The following ZNF536 variants were observed in gnomAD, a reference collection of about 807,000 sequenced individuals.
ZNF536 encodes zinc finger protein 536.
ZNF536 carries 13 observed loss-of-function variants against 84.5 expected under a neutral mutation model. The observed-to-expected ratio is 0.15, with a 90% CI of 0.10 to 0.24. The LOEUF is 0.24. ZNF536 is among the 10% of genes least tolerant of loss of function. The probability of loss-of-function intolerance (pLI) is 1.00; values close to 1 mark genes in which losing one functional copy is unlikely to be tolerated. For synonymous variants in ZNF536, 811 were observed against 742.5 expected, an observed-to-expected ratio of 1.09 and a Z score of -1.50; for missense variants, 1,536 against 1,747.5, an observed-to-expected ratio of 0.88 and a Z score of 2.16.
chr19:30,708,408 G>A (rs963095079), intron 1 of ZNF536, among the ~76,000 whole-genome samples: 4 of 152,210 alleles, frequency 2.6e-5, no homozygotes, highest in East Asian at 1.9e-4. Flanking sequence ...ATGGAAGGGT[G>A]TTTTAGGATT....
upstream of ZNF536, among the ~76,000 whole-genome samples, chr19:30,369,794 T>G (rs527803262): frequency 9.9e-5 from 15 of 152,212 alleles, no homozygotes; most frequent in African/African-American, 1.4e-4. Context: ...GCAATCAGAA[T>G]AAAGTGTTTC....
At chr19:30,688,162 C>A (rs1273158535) in intron 1 of ZNF536, among the ~76,000 whole-genome samples, 1 of 152,176 alleles carries the variant, frequency 6.6e-6, no homozygotes, top group African/African-American at 2.4e-5. Flanking sequence ...ATCTCCTGCC[C>A]AGGGCTGTGC....
chr19:30,694,215 C>A (rs2051554681), intron 1 of ZNF536, among the ~76,000 whole-genome samples: 1 of 152,204 alleles, frequency 6.6e-6, no homozygotes, highest in Non-Finnish European at 1.5e-5. Context: ...TATTGGCCCC[C>A]CTCCCACATT....
intron 1 of ZNF536, among the ~76,000 whole-genome samples, chr19:30,693,765 T>C (rs781752477): frequency 5.9e-5 from 9 of 152,238 alleles, no homozygotes; most frequent in Non-Finnish European, 1.2e-4. Flanking sequence ...TTGGGCATGA[T>C]AAAAAGTAGC....
At chr19:30,662,336 G>A (rs1200605620) in intron 1 of ZNF536, among the ~76,000 whole-genome samples, 1 of 152,170 alleles carries the variant, frequency 6.6e-6, no homozygotes, top group East Asian at 1.9e-4. Flanking sequence ...CCCAGCTTGT[G>A]TTGGGCCCTT....
intron 1 of ZNF536, among the ~76,000 whole-genome samples, chr19:30,427,293 A>G (rs1383045041): frequency 1.3e-5 from 2 of 152,230 alleles, no homozygotes; most frequent in Admixed American, 6.5e-5. Context: ...GGATGCAGAG[A>G]TGCTTGCCAA....
downstream of ZNF536, among the ~76,000 whole-genome samples, chr19:30,561,713 G>A (rs538472456): frequency 2.6e-5 from 4 of 152,280 alleles, no homozygotes; most frequent in East Asian, 3.9e-4. Context: ...TGAAGGAGCC[G>A]GGGTATTTAC....
At chr19:30,538,049 A>G (rs532757420) in intron 3 of ZNF536, among the ~76,000 whole-genome samples, 1 of 152,348 alleles carries the variant, frequency 6.6e-6, no homozygotes, top group African/African-American at 2.4e-5. Context: ...ACAATGTAAA[A>G]GTGTAGATTA....
At chr19:30,554,199 C>CT (rs2045884956) in intron 4 of ZNF536, 1 of 145,502 alleles carries the variant, frequency 6.9e-6, no homozygotes. Flanking sequence ...TGTGACTTAT[C>CT]TTTTCCCTAA....
chr19:30,670,670 G>T (rs141291996), intron 1 of ZNF536, among the ~76,000 whole-genome samples: 40 of 152,338 alleles, frequency 2.6e-4, no homozygotes, highest in African/African-American at 9.4e-4. Flanking sequence ...CTTCCTCGTG[G>T]AGTCTGAGAA....
At chr19:30,286,409 A>G (rs1377299884) in intron 2 of ZNF536, among the ~76,000 whole-genome samples, 1 of 152,144 alleles carries the variant, frequency 6.6e-6, no homozygotes, top group African/African-American at 2.4e-5. Context: ...GGTACCATTC[A>G]GCTTGGAAGG....
downstream of ZNF536, among the ~76,000 whole-genome samples, chr19:30,560,911 AG>A (rs1245373702): frequency 1.3e-5 from 2 of 152,220 alleles, no homozygotes; most frequent in Admixed American, 6.5e-5. Flanking sequence ...CTCTGGAGCA[AG>A]GGATGCGCAT....
intron 2 of ZNF536, among the ~76,000 whole-genome samples, chr19:30,291,060 C>T (rs533657350): frequency 2.4e-4 from 36 of 152,258 alleles, no homozygotes; most frequent in African/African-American, 8.2e-4. Flanking sequence ...GGTGTATATG[C>T]ACCACATTTT....
intron 1 of ZNF536, among the ~76,000 whole-genome samples, chr19:30,237,762 A>G (rs1000303617): frequency 4.7e-5 from 7 of 147,414 alleles, no homozygotes; most frequent in African/African-American, 1.7e-4. Context: ...TGATACATCC[A>G]TATCTATAAG....
chr19:30,313,280 A>G (rs890740098), intron 2 of ZNF536, among the ~76,000 whole-genome samples: 3 of 152,156 alleles, frequency 2.0e-5, no homozygotes, highest in African/African-American at 7.2e-5. Context: ...CTTTCGGGTC[A>G]AACCTTTCCT....
chr19:30,546,071 C>T (rs1474182707), intron 3 of ZNF536, among the ~76,000 whole-genome samples: 2 of 152,156 alleles, frequency 1.3e-5, no homozygotes, highest in East Asian at 3.9e-4. Context: ...CTCTAAGTTT[C>T]GGGGACTGCC....
intron 1 of ZNF536, among the ~76,000 whole-genome samples, chr19:30,624,655 G>A (rs1383358784): frequency 6.6e-6 from 1 of 152,156 alleles, no homozygotes; most frequent in Non-Finnish European, 1.5e-5. Context: ...ACAGAAGCTT[G>A]GGTTTGTTAG....
chr19:30,606,160 T>C (rs942719661), intron 1 of ZNF536, among the ~76,000 whole-genome samples: 70 of 80,272 alleles, frequency 8.7e-4, no homozygotes, highest in African/African-American at 3.5e-3. Context: ...TCTCTAAAAA[T>C]AAAATAAAAT....
At chr19:30,302,991 C>T (rs1447345058) in intron 2 of ZNF536, among the ~76,000 whole-genome samples, 1 of 152,160 alleles carries the variant, frequency 6.6e-6, no homozygotes, top group Admixed American at 6.5e-5. Context: ...ATAATTTTTC[C>T]TGACATTGGG....
Sources: gnomAD v4.1 joint callset for allele counts (sites outside exome capture counted in the v4.1 genomes callset) on GRCh38, gnomAD v4.1.1 for gene constraint, MANE v1.5 for transcripts, NCBI Gene and HGNC (gene_info 2026-07-23, HGNC 2026-07-21) for gene names.